The following PRR14L variants were observed in gnomAD, a reference collection of about 807,000 sequenced individuals.
The protein encoded by PRR14L is protein PRR14L.
PRR14L carries 80 observed loss-of-function variants against 155.0 expected under a neutral mutation model. The observed-to-expected ratio is 0.52, with a 90% CI of 0.43 to 0.62. The LOEUF (loss-of-function observed/expected upper bound fraction) is 0.62. Ranked by LOEUF, PRR14L falls within the 20% of genes least tolerant of loss-of-function variation. PRR14L has a pLI of 0.00. For missense variants in PRR14L, 2,469 were observed against 2,548.0 expected (o/e 0.97, Z 0.67); for synonymous variants, 883 against 916.0 (o/e 0.96, Z 0.65).
intron 2 of PRR14L, among the ~76,000 whole-genome samples, chr22:31,726,113 CT>C (rs530847641): frequency 3.9e-4 from 59 of 151,928 alleles, no homozygotes; most frequent in Middle Eastern, 6.8e-3. Flanking sequence ...AGCCTGAAAA[CT>C]TTTTAAAGTT....
Position 31,713,306 on chromosome 22 carries a change from C to A in PRR14L, c.4533G>T (p.Ala1511=), listed in dbSNP as rs771320875. The change falls in exon 4 of 9, where the codon GCG becomes GCT. Residue 1511 remains alanine (A), a synonymous_variant. Transcript: ENST00000327423. ...AGCDQIHGAF[A]KKGVLPLKKQ... is the part of the protein sequence containing the mutation. The stretch of plus-strand genomic sequence containing the variant: ...TCTTTAAGGGAAGAACTCCTTTCTT[C>A]GCAAAGGCACCATGTATTTGATCAC... 1 of 1,552,250 alleles carries A rather than the reference C, an allele frequency of 6.4e-7. No individual in the cohort carries two copies. Among genetic ancestry groups the A allele is most frequent in the East Asian group, 2.4e-5 (1 of 40,918 alleles).
chr22:31,722,586 G>A (rs1223677180), intron 3 of PRR14L, among the ~76,000 whole-genome samples: 2 of 149,550 alleles, frequency 1.3e-5, no homozygotes, highest in East Asian at 2.0e-4. Context: ...GCAGTGGAGC[G>A]ATCCCCGCTC....
intron 7 of PRR14L, among the ~76,000 whole-genome samples, chr22:31,700,745 G>A (rs1474100252): frequency 2.0e-5 from 3 of 152,070 alleles, no homozygotes; most frequent in Non-Finnish European, 2.9e-5. Flanking sequence ...TAGTAGAGAC[G>A]GGGTTTCTCC....
chr22:31,725,521 T>A lies in PRR14L; in HGVS notation c.547+17A>T, dbSNP rs764808525. ...GCAGTAAGTGGATAAAGGAAGAGATTTGAGAGAAATAAATACCTTTGCTCC... is the reference window on the plus strand; with the variant it reads ...GCAGTAAGTGGATAAAGGAAGAGATATGAGAGAAATAAATACCTTTGCTCC... On this transcript the variant is annotated intron_variant, in intron 3 of 8. Coordinates refer to ENST00000327423, the MANE Select transcript of PRR14L (RefSeq NM_173566.3). 1 of 1,509,354 alleles carries A rather than the reference T, an allele frequency of 6.6e-7. No individual in the cohort carries two copies. Among genetic ancestry groups the A allele is most frequent in the South Asian group, 1.2e-5 (1 of 83,116 alleles). The allele number at this position is 1,509,354 out of a possible 1,614,324, so 93.5% of individuals were successfully genotyped here. A position where few individuals can be genotyped will look rare whatever the true frequency, so the allele number is the denominator to read the frequency against.
At chr22:31,732,772 CT>C (rs1440017092) in intron 2 of PRR14L, among the ~76,000 whole-genome samples, 1 of 152,158 alleles carries the variant, frequency 6.6e-6, no homozygotes, top group African/African-American at 2.4e-5. Flanking sequence ...TTGGGGACCC[CT>C]GACACACCTG....
intron 1 of PRR14L, among the ~76,000 whole-genome samples, chr22:31,740,758 A>T (rs1309740446): frequency 3.3e-5 from 5 of 152,202 alleles, no homozygotes; most frequent in African/African-American, 1.2e-4. Context: ...TAACGTTATA[A>T]TACTAACTTA....
rs1289544155 is a variant in PRR14L at position 31,715,413 on chromosome 22, G to A, written c.2426C>T (p.Ser809Phe). 6.4e-7 allele frequency: 1 copy of A among 1,552,144 alleles called. No individual in the cohort carries two copies. The highest frequency in any genetic ancestry group is 8.7e-7 in the Non-Finnish European group (1 of 1,147,100). Reference protein sequence around the residue: ...NMCSASAAFKSSKISLQVDNS... With the variant: ...NMCSASAAFKFSKISLQVDNS... Reference sequence around the variant, plus strand: ...ATCAACTTGCAGGCTGATTTTGCTGGACTTGAAAGCAGCAGAAGCAGAACA... The same window carrying A: ...ATCAACTTGCAGGCTGATTTTGCTGAACTTGAAAGCAGCAGAAGCAGAACA... Residue 809 changes from serine to phenylalanine, a missense_variant, in exon 4 of 9, where the codon TCC becomes TTC. Coordinates refer to ENST00000327423, the MANE Select transcript of PRR14L (RefSeq NM_173566.3).
At position 31,713,080 on chromosome 22, in the gene PRR14L, C is replaced by A. The variant is rs1358301250; in HGVS notation, c.4759G>T (p.Val1587Phe). The A allele has an allele frequency of 2.6e-6, 4 of 1,552,292 alleles. No individual in the cohort carries two copies. The South Asian group carries it at 3.6e-5, about 14-fold the overall frequency. Residue 1587 changes from valine (V) to phenylalanine (F), a missense_variant, in exon 4 of 9, where the codon GTT becomes TTT. Transcript: ENST00000327423. ...EPETAPTKSL[V>F]SHIPKQMSTP... Reference sequence around the variant, plus strand: ...GACATCTGCTTTGGTATGTGACTAACCAAGCTCTTGGTAGGTGCTGTTTCA... The same window carrying A: ...GACATCTGCTTTGGTATGTGACTAAACAAGCTCTTGGTAGGTGCTGTTTCA...
chr22:31,741,925 C>G (rs1255040130), intron 1 of PRR14L, among the ~76,000 whole-genome samples: 4 of 152,120 alleles, frequency 2.6e-5, no homozygotes, highest in Non-Finnish European at 5.9e-5. Flanking sequence ...CTTCCCCTTT[C>G]TCCTTTATTT....
chr22:31,704,333 G>C (rs1383830086), intron 5 of PRR14L: 2 of 215,874 alleles, frequency 9.3e-6, no homozygotes, highest in Non-Finnish European at 9.2e-6. Flanking sequence ...ACAGTACTCA[G>C]ATAAGATCAA....
chr22:31,714,047 T>C lies in PRR14L; in HGVS notation c.3792A>G (p.Pro1264=), dbSNP rs780700002. ...TTTCACAAAGCATTTCACCATCTTT[T>C]GGTTTACAAAGATTTTTCAGGTCAG... ...EETDLKNLCK[P]KDGEMLCENV... is the part of the protein sequence containing the mutation. Residue 1264 remains proline (P), a synonymous_variant, in exon 4 of 9, where the codon CCA becomes CCG. Coordinates refer to ENST00000327423, the MANE Select transcript of PRR14L (RefSeq NM_173566.3). The C allele has an allele frequency of 1.9e-6, 3 of 1,550,318 alleles. No homozygotes were observed. Among genetic ancestry groups the C allele is most frequent in the East Asian group, 2.4e-5 (1 of 40,924 alleles).
At chr22:31,732,717 A>G (rs1389852537) in intron 2 of PRR14L, among the ~76,000 whole-genome samples, 5 of 152,144 alleles carry the variant, frequency 3.3e-5, no homozygotes, top group African/African-American at 1.2e-4. Context: ...GAACAACTAA[A>G]TGCTGAGTCC....
At chr22:31,743,755 T>C (rs1196240220) in intron 1 of PRR14L, among the ~76,000 whole-genome samples, 1 of 149,544 alleles carries the variant, frequency 6.7e-6, no homozygotes, top group Non-Finnish European at 1.5e-5. Context: ...TGACCTGAGA[T>C]GGGGCCACTG....
intron 5 of PRR14L, 34 bp from the exon 6 acceptor site, chr22:31,703,755 G>T: frequency 2.2e-6 from 3 of 1,364,654 alleles, no homozygotes; most frequent in South Asian, 1.6e-5. Flanking sequence ...ATATGAGAGG[G>T]GTTCCCTTTC....
chr22:31,710,644 C>T (rs186358657), intron 4 of PRR14L, among the ~76,000 whole-genome samples: 8 of 151,940 alleles, frequency 5.3e-5, no homozygotes, highest in Non-Finnish European at 1.2e-4. Flanking sequence ...TTAGTAGAAA[C>T]GGGGTTTCAC....
At chr22:31,727,907 A>G (rs2074725302) in intron 2 of PRR14L, among the ~76,000 whole-genome samples, 1 of 151,798 alleles carries the variant, frequency 6.6e-6, no homozygotes, top group South Asian at 2.1e-4. Flanking sequence ...ACTTGAACCC[A>G]GGAGGAGGCT....
intron 8 of PRR14L, 22 bp downstream of exon 8, chr22:31,688,134 T>A: frequency 3.1e-6 from 5 of 1,593,798 alleles, no homozygotes; most frequent in Non-Finnish European, 4.3e-6. Flanking sequence ...TTCCCTTTTA[T>A]TTCCCAGCTA....
At position 31,712,420 on chromosome 22, in the gene PRR14L, C is replaced by T; in HGVS notation, c.5419G>A (p.Ala1807Thr). The change falls in exon 4 of 9, where the codon GCC becomes ACC. Residue 1807 changes from alanine (A) to threonine (T), a missense_variant. Physicochemically the swap from Ala to Thr is moderately conservative, Grantham distance 58. This residue lies in a region of PRR14L where 2,363 missense variants were observed against 2,371.6 expected (regional missense o/e 1.00). Coordinates refer to ENST00000327423, the MANE Select transcript of PRR14L (RefSeq NM_173566.3). Reference sequence around the variant, plus strand: ...CAGTCTGCTCTGGTCTGGACTATGGCAGTGCCTCCATAGTCTTGGAGAGGA... The same window carrying T: ...CAGTCTGCTCTGGTCTGGACTATGGTAGTGCCTCCATAGTCTTGGAGAGGA... The part of the protein sequence containing the change: ...PAPLQDYGGT[A>T]IVQTRADCSV... 6.4e-7 allele frequency: 1 copy of T among 1,574,574 alleles called. No homozygotes were observed. The highest frequency in any genetic ancestry group is 8.6e-7 in the Non-Finnish European group (1 of 1,159,432).
In PRR14L at chr22:31,715,975, G is replaced by C. The variant is rs1398646227; in HGVS notation, c.1864C>G (p.Leu622Val). 1 of 1,551,576 alleles carries C rather than the reference G, an allele frequency of 6.4e-7. No homozygotes were observed. Among genetic ancestry groups the C allele is most frequent in the Admixed American group, 2.0e-5 (1 of 50,998 alleles). The change falls in exon 4 of 9, where the codon CTT becomes GTT. Residue 622 changes from leucine (L) to valine (V), a missense_variant. Physicochemically the swap from Leu to Val is conservative, Grantham distance 32. Transcript: ENST00000327423. ...VIQTSHDDIP[L>V]LDEQSIACEM... ...CAGGCTATGCTCTGTTCATCTAAAA[G>C]TGGAATATCATCATGTGAGGTCTGT...
Sources: gnomAD v4.1 joint callset for allele counts (sites outside exome capture counted in the v4.1 genomes callset) on GRCh38, gnomAD v4.1.1 for gene constraint, gnomAD v4.1.1 regional missense constraint, MANE v1.5 for transcripts, NCBI Gene and HGNC (gene_info 2026-07-23, HGNC 2026-07-21) for gene names.